Variants in ACAN observed in about 807,000 individuals in gnomAD.
The protein encoded by ACAN is aggrecan, also known as aggrecan core protein.
A neutral mutation model predicts 169.1 loss-of-function variants in ACAN; 47 were observed. The observed-to-expected ratio is 0.28, with a 90% CI of 0.22 to 0.35. The LOEUF (loss-of-function observed/expected upper bound fraction) is 0.35. Among genes scored for constraint, ACAN ranks in the 10% least tolerant of loss-of-function variants. The probability of loss-of-function intolerance (pLI) is 1.00; values close to 1 mark genes in which losing one functional copy is unlikely to be tolerated. For missense variants in ACAN, 2,716 were observed against 2,759.9 expected, an observed-to-expected ratio of 0.98 and a Z score of 0.36; for synonymous variants, 1,115 against 1,112.2, an observed-to-expected ratio of 1.00 and a Z score of -0.05.
Position 88,858,673 on chromosome 15 carries a change from G to C in ACAN, c.6088G>C (p.Gly2030Arg). The C allele has an allele frequency of 6.2e-7, 1 of 1,613,982 alleles. No individual in the cohort carries two copies. Among genetic ancestry groups the C allele is most frequent in the Non-Finnish European group, 8.5e-7 (1 of 1,179,904 alleles). ...VAMGTSGEAS[G>R]LPEVTLITSE... Reference sequence around the variant, plus strand: ...CATGGGCACCAGTGGAGAGGCCTCAGGACTTCCAGAAGTTACTTTAATCAC... The same window carrying C: ...CATGGGCACCAGTGGAGAGGCCTCACGACTTCCAGAAGTTACTTTAATCAC... The change falls in exon 12 of 19, where the codon GGA (glycine) becomes CGA (arginine). Residue 2030 changes from glycine to arginine, a missense_variant. By Grantham distance (125) the Gly-to-Arg change is moderately radical. Transcript: ENST00000560601. This position sits in a 1 kb window ranked among gnomAD's most constrained non-coding sequence, Gnocchi z 4.0.
intron 1 of ACAN, among the ~76,000 whole-genome samples, chr15:88,826,223 G>A (rs987119680): frequency 1.3e-5 from 2 of 152,214 alleles, no homozygotes; most frequent in Admixed American, 6.5e-5. Flanking sequence ...TCATGCTTTT[G>A]TAGGTGCTGG....
rs994322316 is a variant in ACAN, at chr15:88,861,997, G to A, written c.6946+1558G>A. 1.3e-5 allele frequency among the ~76,000 whole-genome samples: 2 copies of A among 152,184 alleles called. No homozygotes were observed. The highest frequency in any genetic ancestry group is 4.8e-5 in the African/African-American group (2 of 41,446). ...CCCCATTTGAGACTGGAACTCAGAGGAGTTAAGTAATTTGCCTAACTATAC... is the reference window on the plus strand; with the variant it reads ...CCCCATTTGAGACTGGAACTCAGAGAAGTTAAGTAATTTGCCTAACTATAC... On this transcript the variant is annotated intron_variant, in intron 13 of 18. Transcript: ENST00000560601. This position sits in a 1 kb window ranked among gnomAD's most constrained non-coding sequence, Gnocchi z 6.3.
rs1369233456 is a variant in ACAN at position 88,838,522 on chromosome 15, G to A, written c.71-141G>A. ...CTGGGAATTCCCACATGACACGGGA[G>A]CATCCCCATCATAGAGACAGACACA... On this transcript the variant is annotated intron_variant, in intron 2 of 18. Transcript: ENST00000560601. The surrounding 1 kb of genome is among the most constrained non-coding windows in gnomAD (Gnocchi z 5.1). 87 of 1,067,760 alleles carry A rather than the reference G, an allele frequency of 8.1e-5. 1 individual carries two copies. Among genetic ancestry groups the A allele is most frequent in the Middle Eastern group, 6.9e-4 (3 of 4,372 alleles). The allele number at this position is 1,067,760 out of a possible 1,614,324, so 66.1% of individuals were successfully genotyped here. A position where few individuals can be genotyped will look rare whatever the true frequency, so the allele number is the denominator to read the frequency against.
Position 88,838,779 on chromosome 15 carries a change from G to GC in ACAN, c.191dup (p.Ser65PhefsTer27). ...CGACCCCATGCACCCTGTGACCACC[G>GC]CCCCTTCTACCGCCCCACTGGCCCC... On this transcript the variant is annotated frameshift_variant, in exon 3 of 19. Coordinates refer to ENST00000560601, the MANE Select transcript of ACAN (RefSeq NM_001369268.1). LOFTEE classifies it high-confidence loss of function. This position sits in a 1 kb window ranked among gnomAD's most constrained non-coding sequence, Gnocchi z 5.1. 1 of 1,613,858 alleles carries GC rather than the reference G, an allele frequency of 6.2e-7. No homozygotes were observed. Among genetic ancestry groups the GC allele is most frequent in the Non-Finnish European group, 8.5e-7 (1 of 1,179,862 alleles).
At chr15:88,865,545 A>C (rs548326616) in intron 13 of ACAN, among the ~76,000 whole-genome samples, 13 of 152,336 alleles carry the variant, frequency 8.5e-5, no homozygotes, top group African/African-American at 3.1e-4. Flanking sequence ...AAGGATAATG[A>C]AGGAGAACAT....
rs549968996 is a variant in ACAN at position 88,867,217 on chromosome 15, T to C, written c.6947-999T>C. 3.3e-5 allele frequency among the ~76,000 whole-genome samples: 5 copies of C among 152,328 alleles called. No homozygotes were observed. In the South Asian group the frequency reaches 1.0e-3, roughly 32 times the overall value. ...TTTAGTTCTCACCTTGGCTAATTCA[T>C]GAAAATTTGAGGCAATGGCCAATGA... On this transcript the variant is annotated intron_variant, in intron 13 of 18. Coordinates refer to ENST00000560601, the MANE Select transcript of ACAN (RefSeq NM_001369268.1).
chr15:88,826,801 C>G (rs2141532471), intron 1 of ACAN, among the ~76,000 whole-genome samples: 1 of 152,188 alleles, frequency 6.6e-6, no homozygotes, highest in Admixed American at 6.5e-5. Flanking sequence ...TATTTGTTAC[C>G]TAGTATGTTG....
At position 88,856,838 on chromosome 15, in the gene ACAN, T is replaced by G. The variant is rs551867169; in HGVS notation, c.4253T>G (p.Val1418Gly). The G allele has an allele frequency of 6.4e-7, 1 of 1,566,144 alleles. No individual in the cohort carries two copies. Among genetic ancestry groups the G allele is most frequent in the African/African-American group, 1.4e-5 (1 of 70,508 alleles). The change falls in exon 12 of 19, where the codon GTT becomes GGT. Residue 1418 changes from valine (V) to glycine (G), a missense_variant. Transcript: ENST00000560601. ...ATCAGCGGGCTTCCTTCTGGAGAAG[T>G]TCTAGAGACTACTGCCCCTGGAGTA... ...EEISGLPSGE[V>G]LETTAPGVDE...
chr15:88,828,330 A>C (rs1238197768), intron 1 of ACAN, among the ~76,000 whole-genome samples: 1 of 152,182 alleles, frequency 6.6e-6, no homozygotes, highest in Non-Finnish European at 1.5e-5. Context: ...ATCGGCAGTC[A>C]GGTAACAAGT....
chr15:88,858,693 A>C lies in ACAN; in HGVS notation c.6108A>C (p.Leu2036Phe). 5 of 1,613,928 alleles carry C rather than the reference A, an allele frequency of 3.1e-6. No individual in the cohort carries two copies. Among genetic ancestry groups the C allele is most frequent in the Non-Finnish European group, 3.4e-6 (4 of 1,179,882 alleles). The change falls in exon 12 of 19, where the codon TTA becomes TTC. Residue 2036 changes from leucine (L) to phenylalanine (F), a missense_variant. Leu to Phe is a conservative substitution (Grantham distance 22). Transcript: ENST00000560601. The surrounding 1 kb of genome is among the most constrained non-coding windows in gnomAD (Gnocchi z 4.0). ...GEASGLPEVTLITSEFVEGVT... is the reference protein window; with the variant it reads ...GEASGLPEVTFITSEFVEGVT... ...CCTCAGGACTTCCAGAAGTTACTTTAATCACTTCTGAGTTCGTGGAGGGTG... is the reference window on the plus strand; with the variant it reads ...CCTCAGGACTTCCAGAAGTTACTTTCATCACTTCTGAGTTCGTGGAGGGTG...
In ACAN at chr15:88,871,866, T is replaced by C; in HGVS notation, c.7220-137T>C. 1.2e-6 allele frequency: 1 copy of C among 809,742 alleles called. No individual in the cohort carries two copies. The highest frequency in any genetic ancestry group is 1.7e-5 in the African/African-American group (1 of 59,838). 50.2% of individuals were successfully genotyped at this position (809,742 alleles called of 1,614,324 possible). On this transcript the variant is annotated intron_variant, in intron 15 of 18. Coordinates refer to ENST00000560601, the MANE Select transcript of ACAN (RefSeq NM_001369268.1). The surrounding 1 kb of genome is among the most constrained non-coding windows in gnomAD (Gnocchi z 7.8). ...ACGTGCTGAGCCTCTTGTGAGGACC[T>C]GAGAAGCACGTGCCTTGCTCCTAGG...
chr15:88,807,958 G>A lies in ACAN; in HGVS notation c.-8+4149G>A, dbSNP rs1466143517. 7.9e-5 allele frequency among the ~76,000 whole-genome samples: 12 copies of A among 152,290 alleles called. No homozygotes were observed. The East Asian group carries it at 2.3e-3, about 29-fold the overall frequency. ...GATTTGGATATTTGGTTACCTTTGA[G>A]GTTACATGTTTTTCCTCTTAAGATA... On this transcript the variant is annotated intron_variant, in intron 1 of 18. Coordinates refer to ENST00000560601, the MANE Select transcript of ACAN (RefSeq NM_001369268.1). The surrounding 1 kb of genome is among the most constrained non-coding windows in gnomAD (Gnocchi z 4.0).
In ACAN at chr15:88,866,701, C is replaced by A. The variant is rs376731725; in HGVS notation, c.6947-1515C>A. ...TTTCAGGCCACCTGTTGCACAAATC[C>A]GCCTCTGGCCTAGAAGATGTCTACT... On this transcript the variant is annotated intron_variant, in intron 13 of 18. Coordinates refer to ENST00000560601, the MANE Select transcript of ACAN (RefSeq NM_001369268.1). The surrounding 1 kb of genome is among the most constrained non-coding windows in gnomAD (Gnocchi z 5.6). Among the ~76,000 whole-genome samples, 2 of 152,100 alleles carry A rather than the reference C, an allele frequency of 1.3e-5. No homozygotes were observed. The highest frequency in any genetic ancestry group is 2.9e-5 in the Non-Finnish European group (2 of 68,018).
At chr15:88,835,653 A>T (rs11073814) in intron 1 of ACAN, among the ~76,000 whole-genome samples, 13,352 of 152,214 alleles carry the variant, frequency 0.088, 1,251 homozygotes, top group African/African-American at 0.23. Context: ...ATTCAAGTCC[A>T]AAGGGAAGAA....
chr15:88,840,280 T>A, intron 4 of ACAN, 94 bp downstream of exon 4: 2 of 1,417,990 alleles, frequency 1.4e-6, no homozygotes, highest in Non-Finnish European at 1.9e-6. Context: ...AGCACTGAGC[T>A]GGTGCCAGCA....
At position 88,874,797 on chromosome 15, in the gene ACAN, G is replaced by T; in HGVS notation, c.*316G>T. Reference sequence around the variant, plus strand: ...GTGCAGGGACAGGGGGAGAAGGGGAGGGGTTAAGTTAAATAAAGAAGATTA... The same window carrying T: ...GTGCAGGGACAGGGGGAGAAGGGGATGGGTTAAGTTAAATAAAGAAGATTA... On this transcript the variant is annotated 3_prime_UTR_variant, in exon 19 of 19. Transcript: ENST00000560601. The surrounding 1 kb of genome is among the most constrained non-coding windows in gnomAD (Gnocchi z 7.3). The T allele has an allele frequency of 2.4e-6, 1 of 423,092 alleles. No homozygotes were observed. Among genetic ancestry groups the T allele is most frequent in the Non-Finnish European group, 4.4e-6 (1 of 224,836 alleles). 26.2% of individuals were successfully genotyped at this position (423,092 alleles called of 1,614,324 possible).
rs905870708 is a variant in ACAN, at chr15:88,861,945, T to C, written c.6946+1506T>C. On this transcript the variant is annotated intron_variant, in intron 13 of 18. Coordinates refer to ENST00000560601, the MANE Select transcript of ACAN (RefSeq NM_001369268.1). This position sits in a 1 kb window ranked among gnomAD's most constrained non-coding sequence, Gnocchi z 6.3. ...TTTGTTCCCACGATTTCTCCCCAGA[T>C]GGCTCTGTAAGCAGCTTGGTAACTA... Among the ~76,000 whole-genome samples the C allele has an allele frequency of 6.6e-6, 1 of 152,246 alleles. No individual in the cohort carries two copies. The highest frequency in any genetic ancestry group is 1.5e-5 in the Non-Finnish European group (1 of 68,048).
chr15:88,857,813 C>A lies in ACAN; in HGVS notation c.5228C>A (p.Pro1743His). 2.5e-6 allele frequency: 4 copies of A among 1,613,902 alleles called. No individual in the cohort carries two copies. The highest frequency in any genetic ancestry group is 3.4e-6 in the Non-Finnish European group (4 of 1,179,882). ...GTCAGTGGACAGCCATCAGGGTTTC[C>A]TGACACTAGTGGGGAAACATCTGGA... ...FGVSGQPSGFPDTSGETSGVT... is the reference protein window; with the variant it reads ...FGVSGQPSGFHDTSGETSGVT... Residue 1743 changes from proline to histidine, a missense_variant, in exon 12 of 19, where the codon CCT (proline) becomes CAT (histidine). By Grantham distance (77) the Pro-to-His change is moderately conservative (BLOSUM62 -2). Coordinates refer to ENST00000560601, the MANE Select transcript of ACAN (RefSeq NM_001369268.1).
intron 11 of ACAN, among the ~76,000 whole-genome samples, chr15:88,853,468 T>A (rs2044429645): frequency 6.6e-6 from 1 of 152,104 alleles, no homozygotes; most frequent in African/African-American, 2.4e-5. Context: ...CAAAACCCAG[T>A]GTCTACTAAA....
Sources: allele counts gnomAD v4.1 joint callset (sites outside exome capture counted in the v4.1 genomes callset), GRCh38; gene constraint gnomAD v4.1.1; non-coding constraint Gnocchi (gnomAD v3.1); transcripts MANE v1.5; gene names NCBI Gene and HGNC (gene_info 2026-07-23, HGNC 2026-07-21).